CDH13: variants seen among roughly 807,000 people sequenced by gnomAD.
CDH13 encodes cadherin 13.
In CDH13, 24 loss-of-function variants were observed where a neutral mutation model predicts 63.8. The observed-to-expected ratio is 0.38, with a 90% confidence interval of 0.27 to 0.53. The LOEUF (loss-of-function observed/expected upper bound fraction) is 0.53, where lower values mean the gene tolerates loss of function less well. Among genes scored for constraint, CDH13 ranks in the 20% least tolerant of loss-of-function variants. CDH13 has a pLI of 0.85. For missense variants in CDH13, 1,049 were observed against 903.1 expected (o/e 1.16, Z -2.07); for synonymous variants, 503 against 355.3 (o/e 1.42, Z -4.67).
chr16:83,478,036 C>G (rs1254461171), intron 6 of CDH13, among the ~76,000 whole-genome samples: 1 of 151,814 alleles, frequency 6.6e-6, no homozygotes, highest in Non-Finnish European at 1.5e-5. Flanking sequence ...AAAAAATTAG[C>G]CAGGCTTGGT....
intron 5 of CDH13, among the ~76,000 whole-genome samples, chr16:83,251,675 C>G (rs976113633): frequency 6.6e-6 from 1 of 152,222 alleles, no homozygotes; most frequent in Non-Finnish European, 1.5e-5. Context: ...CGTAGGCCTT[C>G]GTTGACAAGC....
At chr16:83,754,912 T>C (rs440064) in intron 11 of CDH13, among the ~76,000 whole-genome samples, 39,841 of 152,008 alleles carry the variant, frequency 0.26, 5,849 homozygotes, top group Non-Finnish European at 0.34. Flanking sequence ...ATATGTCATC[T>C]GGAGCCTCTC....
At chr16:83,305,179 G>T (rs1177468006) in intron 5 of CDH13, among the ~76,000 whole-genome samples, 1 of 152,180 alleles carries the variant, frequency 6.6e-6, no homozygotes, top group Non-Finnish European at 1.5e-5. Context: ...GGCTCTCCTT[G>T]TCTGAGAGCT....
chr16:83,667,155 A>G (rs1335332213), intron 8 of CDH13, among the ~76,000 whole-genome samples: 2 of 151,944 alleles, frequency 1.3e-5, no homozygotes, highest in Admixed American at 1.3e-4. Flanking sequence ...ATGGCAGGTA[A>G]ATGCCGTTGT....
chr16:83,212,334 G>C (rs1171586198), intron 4 of CDH13, among the ~76,000 whole-genome samples: 1 of 152,192 alleles, frequency 6.6e-6, no homozygotes, highest in Non-Finnish European at 1.5e-5. Context: ...AGCCAGAGAG[G>C]TGGTGGGTAA....
chr16:82,697,774 TGTGTGTGTGTGTG>T (rs1567638809), intron 1 of CDH13, among the ~76,000 whole-genome samples: 1 of 146,582 alleles, frequency 6.8e-6, no homozygotes, highest in East Asian at 2.0e-4. Context: ...TGTGTGTGTG[TGTGTGTGTGTGTG>T]TAAGTTTTTT....
At chr16:82,851,986 A>G (rs1448742418) in intron 1 of CDH13, among the ~76,000 whole-genome samples, 2 of 152,220 alleles carry the variant, frequency 1.3e-5, no homozygotes, top group Non-Finnish European at 2.9e-5. Flanking sequence ...ACTAATGACA[A>G]GAAAGCAAAA....
intron 4 of CDH13, among the ~76,000 whole-genome samples, chr16:83,201,164 C>G (rs1368611049): frequency 1.3e-5 from 2 of 152,210 alleles, no homozygotes; most frequent in South Asian, 2.1e-4. Flanking sequence ...ACCATATGGT[C>G]TCTCATTTCA....
intron 1 of CDH13, chr16:82,705,261 A>G (rs942810619): frequency 7.1e-6 from 3 of 424,046 alleles, no homozygotes; most frequent in Non-Finnish European, 1.4e-5. Context: ...ACTTCAAGAG[A>G]CCACGTTGGA....
intron 7 of CDH13, among the ~76,000 whole-genome samples, chr16:83,601,216 G>C (rs1374387479): frequency 6.6e-6 from 1 of 152,094 alleles, no homozygotes; most frequent in Admixed American, 6.5e-5. Flanking sequence ...AGGAAATGCG[G>C]GGTGCTGCCT....
At chr16:83,205,347 G>C (rs1188530694) in intron 4 of CDH13, among the ~76,000 whole-genome samples, 1 of 152,152 alleles carries the variant, frequency 6.6e-6, no homozygotes, top group African/African-American at 2.4e-5. Context: ...TGGCAATTTG[G>C]GGGGTTTGGG....
Position 83,142,159 on chromosome 16 carries a change from TG to T in CDH13, c.483+16659del, listed in dbSNP as rs147037029. ...TGAACCATTTTTGTTTGTTTGTTTT[TG>T]TTTTTTTTTTTTTTTTTTTGAAATG... On this transcript the variant is annotated intron_variant, in intron 4 of 13. Coordinates refer to ENST00000567109, the MANE Select transcript of CDH13 (RefSeq NM_001257.5). Among the ~76,000 whole-genome samples, 749 of 126,810 alleles carry T rather than the reference TG, an allele frequency of 5.9e-3. 8 individuals are homozygous for T. Among genetic ancestry groups the T allele is most frequent in the African/African-American group, 0.02 (687 of 34,966 alleles). 83.2% of individuals were successfully genotyped at this position (126,810 alleles called of 152,430 possible). A position where few individuals can be genotyped will look rare whatever the true frequency, so the allele number is the denominator to read the frequency against.
intron 6 of CDH13, among the ~76,000 whole-genome samples, chr16:83,484,102 A>G (rs773070144): frequency 6.6e-6 from 1 of 152,314 alleles, no homozygotes; most frequent in Non-Finnish European, 1.5e-5. Context: ...TAACAAATCA[A>G]TCCAACCTTG....
At chr16:83,410,124 A>G (rs1440438747) in intron 6 of CDH13, among the ~76,000 whole-genome samples, 1 of 152,180 alleles carries the variant, frequency 6.6e-6, no homozygotes, top group Admixed American at 6.5e-5. Flanking sequence ...TAAGATTATG[A>G]GCATAGCCCA....
intron 4 of CDH13, among the ~76,000 whole-genome samples, chr16:83,210,038 G>A (rs2039296621): frequency 6.6e-6 from 1 of 151,970 alleles, no homozygotes; most frequent in African/African-American, 2.4e-5. Context: ...TCTGGCAGAG[G>A]GAGCCATTGC....
intron 3 of CDH13, among the ~76,000 whole-genome samples, chr16:83,097,365 T>A (rs1242468817): frequency 6.6e-6 from 1 of 152,214 alleles, no homozygotes; most frequent in Non-Finnish European, 1.5e-5. Context: ...AGCTCAAGAT[T>A]ATGGGGTGCT....
chr16:83,104,880 C>T (rs1426734252), intron 3 of CDH13, among the ~76,000 whole-genome samples: 1 of 152,142 alleles, frequency 6.6e-6, no homozygotes, highest in Non-Finnish European at 1.5e-5. Flanking sequence ...TGGACCAAAT[C>T]GATCGAGTTC....
At chr16:83,017,285 A>G (rs894547895) in intron 2 of CDH13, among the ~76,000 whole-genome samples, 1 of 152,148 alleles carries the variant, frequency 6.6e-6, no homozygotes, top group Non-Finnish European at 1.5e-5. Flanking sequence ...GATGGATTTA[A>G]TTACTGACTT....
At chr16:83,322,952 C>G (rs1402214596) in intron 5 of CDH13, among the ~76,000 whole-genome samples, 3 of 152,004 alleles carry the variant, frequency 2.0e-5, no homozygotes, top group African/African-American at 2.4e-5. Context: ...TCTGAGAAAC[C>G]TGGCATCCCC....
Sources: gnomAD v4.1 joint callset for allele counts (sites outside exome capture counted in the v4.1 genomes callset) on GRCh38, gnomAD v4.1.1 for gene constraint, MANE v1.5 for transcripts, NCBI Gene and HGNC (gene_info 2026-07-23, HGNC 2026-07-21) for gene names.